RPGRIP1L: variants seen among roughly 807,000 people sequenced by gnomAD.
RPGRIP1L encodes the protein RPGRIP1 like.
In RPGRIP1L, 131 loss-of-function variants were observed where a neutral mutation model predicts 160.4. That is an observed-to-expected ratio of 0.82 (90% confidence interval 0.71 to 0.94). The LOEUF is 0.94. Ranked by LOEUF, RPGRIP1L falls within the 40% of genes least tolerant of loss-of-function variation. RPGRIP1L has a pLI of 0.00. For missense variants in RPGRIP1L, 1,522 were observed against 1,535.8 expected, an observed-to-expected ratio of 0.99 and a Z score of 0.15; for synonymous variants, 510 against 515.8, an observed-to-expected ratio of 0.99 and a Z score of 0.15.
Position 53,686,568 on chromosome 16 carries a change from A to G in RPGRIP1L, c.641T>C (p.Val214Ala), listed in dbSNP as rs1189287737. Residue 214 changes from valine (V) to alanine (A), a missense_variant, in exon 6 of 27, where the codon GTT (valine) becomes GCT (alanine). Physicochemically the swap from Val to Ala is moderately conservative, Grantham distance 64. Transcript: ENST00000647211. ...TATCTGGCCTCTTTGTGACTGAATA[A>G]CGTTTTCTCTGAAATAAAGAGCCTC... ...ARGEIRNLEN[V>A]IQSQRGQIEE... The G allele has an allele frequency of 6.2e-7, 1 of 1,613,486 alleles. No individual in the cohort carries two copies. The highest frequency in any genetic ancestry group is 1.3e-5 in the African/African-American group (1 of 74,876).
At chr16:53,701,566 C>T (rs1238362407) in intron 1 of RPGRIP1L, 4 of 150,840 alleles carry the variant, frequency 2.7e-5, no homozygotes, top group Non-Finnish European at 5.9e-5. Context: ...TTTCAATCTA[C>T]CTAGTAAGCT....
At chr16:53,681,364 G>T (rs1969592955) in intron 6 of RPGRIP1L, among the ~76,000 whole-genome samples, 1 of 152,046 alleles carries the variant, frequency 6.6e-6, no homozygotes. Flanking sequence ...AGTTGAAAAA[G>T]GTCAGTAAAT....
chr16:53,660,521 T>C (rs1403735407), intron 10 of RPGRIP1L, among the ~76,000 whole-genome samples: 1 of 151,850 alleles, frequency 6.6e-6, no homozygotes, highest in African/African-American at 2.4e-5. Context: ...GTTTTTAATG[T>C]CATATAATTC....
At chr16:53,619,582 GCCTT>G (rs1964587328) in intron 23 of RPGRIP1L, among the ~76,000 whole-genome samples, 1 of 152,174 alleles carries the variant, frequency 6.6e-6, no homozygotes, top group African/African-American at 2.4e-5. Flanking sequence ...GTTTATCACT[GCCTT>G]TACTTAATCT....
intron 19 of RPGRIP1L, among the ~76,000 whole-genome samples, chr16:53,640,674 G>A (rs1038230369): frequency 2.6e-5 from 4 of 152,074 alleles, no homozygotes; most frequent in Non-Finnish European, 4.4e-5. Context: ...GAAAGTCGCT[G>A]TGACCTTAGT....
At chr16:53,648,637 C>CACACAT (rs1966744895) in intron 16 of RPGRIP1L, among the ~76,000 whole-genome samples, 2 of 151,848 alleles carry the variant, frequency 1.3e-5, no homozygotes, top group African/African-American at 2.4e-5. Context: ...CACACACACA[C>CACACAT]ACACACACAC....
chr16:53,698,979 G>A (rs1212110815), intron 2 of RPGRIP1L, among the ~76,000 whole-genome samples: 2 of 152,150 alleles, frequency 1.3e-5, no homozygotes, highest in African/African-American at 2.4e-5. Flanking sequence ...TTGAGAAATC[G>A]GATGGTTGCC....
At chr16:53,702,085 G>C (rs1971453941) in intron 1 of RPGRIP1L, among the ~76,000 whole-genome samples, 1 of 152,134 alleles carries the variant, frequency 6.6e-6, no homozygotes, top group African/African-American at 2.4e-5. Flanking sequence ...TGATGATGAT[G>C]ATGATGATGG....
At chr16:53,623,256 T>C (rs999403186) in intron 22 of RPGRIP1L, among the ~76,000 whole-genome samples, 2 of 152,120 alleles carry the variant, frequency 1.3e-5, no homozygotes, top group African/African-American at 4.8e-5. Context: ...CGTAAGAGAT[T>C]TGAGAGCGAA....
At chr16:53,701,560 A>C (rs748558707) in intron 1 of RPGRIP1L, 20 of 151,038 alleles carry the variant, frequency 1.3e-4, no homozygotes, top group Non-Finnish European at 2.8e-4. Flanking sequence ...TTTTCATTTC[A>C]ATCTACCTAG....
chr16:53,695,479 C>T (rs769782628), intron 3 of RPGRIP1L: 8 of 701,966 alleles, frequency 1.1e-5, no homozygotes, highest in Middle Eastern at 2.3e-4. Flanking sequence ...AATATGAATA[C>T]AGACCTGCTC....
At chr16:53,686,382 AT>A (rs1403450937) in intron 6 of RPGRIP1L, 50 bp downstream of exon 6, 2 of 1,566,402 alleles carry the variant, frequency 1.3e-6, no homozygotes, top group African/African-American at 2.7e-5. Context: ...ATGATAAAGT[AT>A]TTTAAACTAA....
chr16:53,620,660 A>T (rs1964650398), intron 23 of RPGRIP1L, among the ~76,000 whole-genome samples: 1 of 152,222 alleles, frequency 6.6e-6, no homozygotes, highest in Non-Finnish European at 1.5e-5. Context: ...AAATTTGAAA[A>T]GAAAGAGATG....
chr16:53,622,346 A>C lies in RPGRIP1L; in HGVS notation c.3305T>G (p.Leu1102Trp), dbSNP rs1268468824. The stretch of plus-strand genomic sequence containing the variant: ...GCTACTGCACCCCAGCCCGGGAGAC[A>C]ATGCGAGACTCTGTCTCAAAAAAAA... ...ISKNIKQSLALSPGLGCSSAI... is the reference protein window; with the variant it reads ...ISKNIKQSLAWSPGLGCSSAI... The change falls in exon 23 of 27, where the codon TTG becomes TGG. Residue 1102 changes from leucine (L) to tryptophan (W), a missense_variant. Physicochemically the swap from Leu to Trp is moderately conservative, Grantham distance 61 (BLOSUM62 -2). Transcript: ENST00000647211. 1 of 625,744 alleles carries C rather than the reference A, an allele frequency of 1.6e-6. No individual in the cohort carries two copies. Among genetic ancestry groups the C allele is most frequent in the Non-Finnish European group, 2.9e-6 (1 of 343,932 alleles). The allele number at this position is 625,744 out of a possible 1,614,324, so 38.8% of individuals were successfully genotyped here.
In RPGRIP1L at chr16:53,599,376, A is replaced by C. The variant is rs1963286875; in HGVS notation, c.*2700T>G. On this transcript the variant is annotated 3_prime_UTR_variant, in exon 27 of 27. Coordinates refer to ENST00000647211, the MANE Select transcript of RPGRIP1L (RefSeq NM_015272.5). ...AGTGAAGAGAAATGTTCTTTACGTA[A>C]ACCACACTGTAAACCATAAAACTTA... 1 of 152,254 alleles carries C rather than the reference A, an allele frequency of 6.6e-6. No individual in the cohort carries two copies. Among genetic ancestry groups the C allele is most frequent in the African/African-American group, 2.4e-5 (1 of 41,470 alleles). The allele number at this position is 152,254 out of a possible 1,614,324, so 9.4% of individuals were successfully genotyped here. A position where few individuals can be genotyped will look rare whatever the true frequency, so the allele number is the denominator to read the frequency against.
intron 24 of RPGRIP1L, among the ~76,000 whole-genome samples, 188 bp downstream of exon 24, chr16:53,618,837 G>A (rs940067474): frequency 1.3e-5 from 2 of 152,144 alleles, no homozygotes; most frequent in Non-Finnish European, 2.9e-5. Flanking sequence ...GTGAGCCACT[G>A]TGCCTGGCCC....
At chr16:53,680,300 C>A (rs1022468465) in intron 6 of RPGRIP1L, among the ~76,000 whole-genome samples, 1 of 152,064 alleles carries the variant, frequency 6.6e-6, no homozygotes, top group Non-Finnish European at 1.5e-5. Flanking sequence ...ACAGATCACT[C>A]CCCTGTGTAA....
intron 25 of RPGRIP1L, among the ~76,000 whole-genome samples, chr16:53,606,786 G>A (rs536901147): frequency 6.6e-6 from 1 of 152,126 alleles, no homozygotes; most frequent in East Asian, 1.9e-4. Flanking sequence ...GCTAATTTTT[G>A]TATTTTTAGT....
chr16:53,636,940 TGACA>T (rs1403213800), intron 21 of RPGRIP1L, among the ~76,000 whole-genome samples: 1 of 110,546 alleles, frequency 9.0e-6, no homozygotes, highest in Admixed American at 1.1e-4. Flanking sequence ...CTGCAATATT[TGACA>T]CACACACACA....
Sources: gnomAD v4.1 joint callset for allele counts (sites outside exome capture counted in the v4.1 genomes callset) on GRCh38, gnomAD v4.1.1 for gene constraint, MANE v1.5 for transcripts, NCBI Gene and HGNC (gene_info 2026-07-23, HGNC 2026-07-21) for gene names.